Variants in GALNT13 observed in about 807,000 individuals in gnomAD.
GALNT13 encodes the protein UDP-GalNAc:polypeptide N-acetylgalactosaminyltransferase 13.
In GALNT13, 28 loss-of-function variants were observed where a neutral mutation model predicts 64.2. The observed-to-expected ratio is 0.44, with a 90% CI of 0.32 to 0.60. The LOEUF (loss-of-function observed/expected upper bound fraction) is 0.60, where lower values mean the gene tolerates loss of function less well. Ranked by LOEUF, GALNT13 falls within the 20% of genes least tolerant of loss-of-function variation. The pLI is 0.05. For synonymous variants in GALNT13, 214 were observed against 224.6 expected, an observed-to-expected ratio of 0.95 and a Z score of 0.42; for missense variants, 577 against 669.8, an observed-to-expected ratio of 0.86 and a Z score of 1.53.
chr2:154,366,904 C>T (rs893246773), intron 9 of GALNT13, among the ~76,000 whole-genome samples: 5 of 152,026 alleles, frequency 3.3e-5, no homozygotes, highest in Non-Finnish European at 7.4e-5. Context: ...CTGTGTCAAA[C>T]ATTTAAGGTG....
chr2:153,507,536 C>T, the GALNT13 span, among the ~76,000 whole-genome samples: 1 of 152,236 alleles, frequency 6.6e-6, no homozygotes, highest in Non-Finnish European at 1.5e-5. Context: ...GCCTCGGCCT[C>T]CCAAAGTGCT....
chr2:153,225,804 A>G, the GALNT13 span, among the ~76,000 whole-genome samples: 2 of 152,218 alleles, frequency 1.3e-5, no homozygotes, highest in Non-Finnish European at 2.9e-5. Flanking sequence ...ATTCTAAAAC[A>G]CTGATGAGAG....
At chr2:153,177,201 T>C in the GALNT13 span, among the ~76,000 whole-genome samples, 2 of 152,168 alleles carry the variant, frequency 1.3e-5, no homozygotes, top group Non-Finnish European at 2.9e-5. Context: ...CAAACAGTAT[T>C]GTAGTCTTGC....
the GALNT13 span, among the ~76,000 whole-genome samples, chr2:153,244,794 T>C: frequency 6.6e-6 from 1 of 152,126 alleles, no homozygotes; most frequent in Non-Finnish European, 1.5e-5. Flanking sequence ...TTCACTGCCT[T>C]GGAAAGGGAG....
At chr2:153,609,316 T>G in the GALNT13 span, among the ~76,000 whole-genome samples, 2 of 152,282 alleles carry the variant, frequency 1.3e-5, no homozygotes, top group East Asian at 3.9e-4. Context: ...AAAGGACGTT[T>G]GTATCTAAGT....
chr2:153,614,361 A>G, the GALNT13 span, among the ~76,000 whole-genome samples: 1 of 152,128 alleles, frequency 6.6e-6, no homozygotes, highest in Admixed American at 6.6e-5. Flanking sequence ...CATTATTAGT[A>G]TGATTATAAT....
the GALNT13 span, among the ~76,000 whole-genome samples, chr2:153,172,621 T>C: frequency 6.6e-6 from 1 of 152,112 alleles, no homozygotes; most frequent in Non-Finnish European, 1.5e-5. Flanking sequence ...CCTTAGCCAG[T>C]TGATAGCCAG....
intron 9 of GALNT13, among the ~76,000 whole-genome samples, chr2:154,383,071 C>A (rs577628928): frequency 6.6e-6 from 1 of 151,998 alleles, no homozygotes; most frequent in East Asian, 1.9e-4. Flanking sequence ...GTATAGTATG[C>A]TGCTCATTGA....
chr2:154,449,809 G>C (rs181192922), intron 12 of GALNT13, among the ~76,000 whole-genome samples: 12 of 151,790 alleles, frequency 7.9e-5, no homozygotes, highest in Admixed American at 7.9e-4. Context: ...TCATGCCCCT[G>C]TTTTTATGTT....
chr2:153,688,634 T>C, the GALNT13 span, among the ~76,000 whole-genome samples: 4 of 151,990 alleles, frequency 2.6e-5, no homozygotes, highest in African/African-American at 9.7e-5. Flanking sequence ...AATTCTAAAA[T>C]TCTGCCTTGT....
the GALNT13 span, among the ~76,000 whole-genome samples, chr2:153,130,938 G>A: frequency 6.6e-6 from 1 of 152,206 alleles, no homozygotes; most frequent in East Asian, 1.9e-4. Flanking sequence ...TAGCATTGAT[G>A]GATTTTCCGC....
the GALNT13 span, among the ~76,000 whole-genome samples, chr2:153,797,056 A>G: frequency 6.6e-6 from 1 of 152,240 alleles, no homozygotes; most frequent in Non-Finnish European, 1.5e-5. Flanking sequence ...GATCTGTATT[A>G]TCAAAGGAAG....
At chr2:153,871,704 T>C (rs1352120832), upstream of GALNT13, among the ~76,000 whole-genome samples, 1 of 152,054 alleles carries the variant, frequency 6.6e-6, no homozygotes, top group African/African-American at 2.4e-5. Context: ...AAGCGCCAGC[T>C]CCAGAAGCAG....
chr2:153,475,309 G>GCATAGAT, the GALNT13 span, among the ~76,000 whole-genome samples: 1 of 152,158 alleles, frequency 6.6e-6, no homozygotes. Flanking sequence ...TCCCTGTAGT[G>GCATAGAT]CATAGATCAT....
At chr2:154,296,096 T>G (rs976568058) in intron 8 of GALNT13, among the ~76,000 whole-genome samples, 1 of 152,202 alleles carries the variant, frequency 6.6e-6, no homozygotes, top group Non-Finnish European at 1.5e-5. Context: ...GCCATATTGT[T>G]AGTCCCATAG....
the GALNT13 span, among the ~76,000 whole-genome samples, chr2:153,185,018 A>G: frequency 6.6e-6 from 1 of 152,178 alleles, no homozygotes; most frequent in Admixed American, 6.6e-5. Context: ...ATTGTTTGCA[A>G]TAGTTTCATT....
At chr2:153,982,250 A>G (rs2105161662) in intron 3 of GALNT13, among the ~76,000 whole-genome samples, 1 of 152,280 alleles carries the variant, frequency 6.6e-6, no homozygotes, top group East Asian at 1.9e-4. Context: ...ATAAAACTTT[A>G]TGATCCATTT....
At chr2:153,464,228 A>C in the GALNT13 span, among the ~76,000 whole-genome samples, 1 of 152,030 alleles carries the variant, frequency 6.6e-6, no homozygotes, top group African/African-American at 2.4e-5. Flanking sequence ...AGCAGAGCTG[A>C]GAAAGTCCTG....
chr2:153,612,417 A>G, the GALNT13 span, among the ~76,000 whole-genome samples: 81 of 152,298 alleles, frequency 5.3e-4, no homozygotes, highest in African/African-American at 1.9e-3. Context: ...AGCACTATTT[A>G]CAAGCAGTAC....
Sources: gnomAD v4.1 joint callset for allele counts (sites outside exome capture counted in the v4.1 genomes callset) on GRCh38, gnomAD v4.1.1 for gene constraint, MANE v1.5 for transcripts, NCBI Gene and HGNC (gene_info 2026-07-23, HGNC 2026-07-21) for gene names.